Variants in THRB observed in about 807,000 individuals in gnomAD.
THRB encodes the protein nuclear receptor subfamily 1 group A member 2.
Under a neutral mutation model 47.8 loss-of-function variants are expected in THRB, and 12 were observed. That is an observed-to-expected ratio of 0.25 (90% CI 0.16 to 0.41). The LOEUF is 0.41. Among genes scored for constraint, THRB ranks in the 10% least tolerant of loss-of-function variants. The pLI, the probability that THRB is intolerant of heterozygous loss-of-function variation, is 1.00. For synonymous variants in THRB, 218 were observed against 212.2 expected, an observed-to-expected ratio of 1.03 and a Z score of -0.24; for missense variants, 348 against 589.2, an observed-to-expected ratio of 0.59 and a Z score of 4.24.
intron 8 of THRB, 128 bp from the exon 9 acceptor site, chr3:24,133,590 T>TGTTA (rs2034191874): frequency 1.1e-6 from 1 of 891,038 alleles, no homozygotes; most frequent in African/African-American, 1.7e-5. Context: ...TCACATCATT[T>TGTTA]GTTAACAAAC....
chr3:24,281,203 C>G (rs1553690410), intron 3 of THRB, among the ~76,000 whole-genome samples: 1 of 152,080 alleles, frequency 6.6e-6, no homozygotes, highest in Non-Finnish European at 1.5e-5. Flanking sequence ...TCGGGTTACC[C>G]TCAAAGGGAA....
chr3:24,153,550 ATTAG>A (rs2037344676), intron 5 of THRB, among the ~76,000 whole-genome samples: 1 of 152,172 alleles, frequency 6.6e-6, no homozygotes, highest in Non-Finnish European at 1.5e-5. Flanking sequence ...CAATGAGTTT[ATTAG>A]TTTAAATTCC....
chr3:24,260,635 A>G (rs2051863043), intron 3 of THRB, among the ~76,000 whole-genome samples: 1 of 152,160 alleles, frequency 6.6e-6, no homozygotes, highest in African/African-American at 2.4e-5. Context: ...TCAGGTGCGC[A>G]CTAAATGCTC....
chr3:24,165,273 C>A (rs547376124), intron 5 of THRB: 4 of 765,092 alleles, frequency 5.2e-6, no homozygotes, highest in Non-Finnish European at 9.6e-6. Flanking sequence ...TCAAAATACG[C>A]GTAATAATCA....
intron 4 of THRB, among the ~76,000 whole-genome samples, chr3:24,193,747 T>G (rs2043626464): frequency 6.6e-6 from 1 of 152,212 alleles, no homozygotes. Flanking sequence ...GTCTACCGTT[T>G]GATCCACCAA....
intron 3 of THRB, among the ~76,000 whole-genome samples, chr3:24,244,981 T>C (rs556401931): frequency 6.6e-6 from 1 of 152,304 alleles, no homozygotes; most frequent in Non-Finnish European, 1.5e-5. Flanking sequence ...TCTTGACATA[T>C]GCCCATCAGT....
chr3:24,448,735 C>T (rs1212018884), intron 1 of THRB, among the ~76,000 whole-genome samples: 1 of 152,154 alleles, frequency 6.6e-6, no homozygotes, highest in Non-Finnish European at 1.5e-5. Flanking sequence ...GCTAAATGTA[C>T]ATTAAATGTT....
chr3:24,324,241 C>T (rs151005398), intron 2 of THRB, among the ~76,000 whole-genome samples: 2 of 152,266 alleles, frequency 1.3e-5, no homozygotes, highest in East Asian at 1.9e-4. Context: ...ACTTTATAGC[C>T]TCCTGTCTTC....
At chr3:24,368,151 A>G (rs1184632934) in intron 1 of THRB, among the ~76,000 whole-genome samples, 1 of 152,142 alleles carries the variant, frequency 6.6e-6, no homozygotes. Context: ...CAACTCCTGT[A>G]AGGTAACTAA....
At chr3:24,157,120 T>C (rs2149173856) in intron 5 of THRB, among the ~76,000 whole-genome samples, 1 of 152,332 alleles carries the variant, frequency 6.6e-6, no homozygotes, top group South Asian at 2.1e-4. Flanking sequence ...CCTTCATCCA[T>C]TGCCCTCTGC....
At chr3:24,276,805 A>G (rs1487943336) in intron 3 of THRB, among the ~76,000 whole-genome samples, 2 of 152,242 alleles carry the variant, frequency 1.3e-5, no homozygotes, top group Admixed American at 1.3e-4. Flanking sequence ...GGGGAGGGAA[A>G]GTCGTATGTG....
At chr3:24,226,337 C>A (rs1393046499) in intron 4 of THRB, among the ~76,000 whole-genome samples, 1 of 152,146 alleles carries the variant, frequency 6.6e-6, no homozygotes, top group African/African-American at 2.4e-5. Flanking sequence ...ACATGTACCC[C>A]TGAGCCCACT....
At chr3:24,330,701 G>A (rs1367113887) in intron 2 of THRB, among the ~76,000 whole-genome samples, 1 of 152,204 alleles carries the variant, frequency 6.6e-6, no homozygotes, top group South Asian at 2.1e-4. Context: ...CCAGCAAGCT[G>A]CATGGGAAGA....
At chr3:24,492,396 G>A (rs571513647) in intron 1 of THRB, among the ~76,000 whole-genome samples, 8 of 152,274 alleles carry the variant, frequency 5.3e-5, no homozygotes, top group African/African-American at 1.9e-4. Flanking sequence ...CAGTGTGATG[G>A]GTCTGAAAAG....
At chr3:24,346,184 T>C (rs574305788) in intron 1 of THRB, among the ~76,000 whole-genome samples, 1 of 152,194 alleles carries the variant, frequency 6.6e-6, no homozygotes, top group South Asian at 2.1e-4. Flanking sequence ...AATTGAAATG[T>C]GAGACAATAA....
At position 24,119,148 on chromosome 3, in the gene THRB, G is replaced by C. The variant is rs1559375221; in HGVS notation, c.*3736C>G. On this transcript the variant is annotated 3_prime_UTR_variant, in exon 11 of 11. Transcript: ENST00000646209. Reference sequence around the variant, plus strand: ...TTCTTCTCTATAAAATTTAAATATGGATTATAGTCTATCACTATCAAAAGA... The same window carrying C: ...TTCTTCTCTATAAAATTTAAATATGCATTATAGTCTATCACTATCAAAAGA... 1 of 152,062 alleles carries C rather than the reference G, an allele frequency of 6.6e-6. No homozygotes were observed. The highest frequency in any genetic ancestry group is 1.5e-5 in the Non-Finnish European group (1 of 67,956). The allele number at this position is 152,062 out of a possible 1,614,324, so 9.4% of individuals were successfully genotyped here.
At chr3:24,330,703 ATGGGAAGACACC>A (rs1315773799) in intron 2 of THRB, among the ~76,000 whole-genome samples, 1 of 152,236 alleles carries the variant, frequency 6.6e-6, no homozygotes, top group Non-Finnish European at 1.5e-5. Flanking sequence ...AGCAAGCTGC[ATGGGAAGACACC>A]TGGAGTAGCC....
chr3:24,188,000 T>C (rs2042822097), intron 5 of THRB, among the ~76,000 whole-genome samples: 1 of 152,220 alleles, frequency 6.6e-6, no homozygotes, highest in Admixed American at 6.5e-5. Flanking sequence ...ATTTTAGCTG[T>C]TTTCCTGTTA....
chr3:24,152,429 G>A lies in THRB; in HGVS notation c.345C>T (p.Thr115=), dbSNP rs760500773. The change falls in exon 6 of 11, where the codon ACC becomes ACT. Residue 115 remains threonine (T), a synonymous_variant. Transcript: ENST00000646209. The stretch of plus-strand genomic sequence containing the variant: ...ACGTGATACAGCGGTAGTGATACCC[G>A]GTGGCTTTGTCACCACACACTACAC... ...ELCVVCGDKA[T]GYHYRCITCE... 3.0e-5 allele frequency: 49 copies of A among 1,612,994 alleles called. No homozygotes were observed. Among genetic ancestry groups the A allele is most frequent in the South Asian group, 8.8e-5 (8 of 91,052 alleles).
Sources: gnomAD v4.1 joint callset for allele counts (sites outside exome capture counted in the v4.1 genomes callset) on GRCh38, gnomAD v4.1.1 for gene constraint, MANE v1.5 for transcripts, NCBI Gene and HGNC (gene_info 2026-07-23, HGNC 2026-07-21) for gene names.